CACHD1: variants seen among roughly 807,000 people sequenced by gnomAD.
CACHD1 encodes the protein cache domain containing 1.
A neutral mutation model predicts 138.7 loss-of-function variants in CACHD1; 71 were observed. The observed-to-expected ratio is 0.51, with a 90% confidence interval of 0.42 to 0.62. The LOEUF (loss-of-function observed/expected upper bound fraction) is 0.62, where lower values mean the gene tolerates loss of function less well. Among genes scored for constraint, CACHD1 ranks in the 20% least tolerant of loss-of-function variants. The pLI, the probability that CACHD1 is intolerant of heterozygous loss-of-function variation, is 0.00. For synonymous variants in CACHD1, 578 were observed against 591.5 expected, an observed-to-expected ratio of 0.98 and a Z score of 0.33; for missense variants, 1,389 against 1,625.3, an observed-to-expected ratio of 0.85 and a Z score of 2.50.
At chr1:64,499,983 CA>C (rs1384118447) in intron 1 of CACHD1, among the ~76,000 whole-genome samples, 1 of 152,168 alleles carries the variant, frequency 6.6e-6, no homozygotes, top group Non-Finnish European at 1.5e-5. Flanking sequence ...GCTGTGGTAA[CA>C]AATGAATCCT....
At chr1:64,618,379 G>C (rs778117536) in intron 4 of CACHD1, among the ~76,000 whole-genome samples, 2 of 151,994 alleles carry the variant, frequency 1.3e-5, no homozygotes, top group Non-Finnish European at 2.9e-5. Context: ...GTGGTCCCAG[G>C]TACTCCTTCT....
At chr1:64,606,925 G>A (rs1647360304) in intron 4 of CACHD1, among the ~76,000 whole-genome samples, 1 of 152,164 alleles carries the variant, frequency 6.6e-6, no homozygotes, top group Non-Finnish European at 1.5e-5. Flanking sequence ...TTGTGATGGG[G>A]AATGCTGGGA....
rs149386006 is a variant in CACHD1, at chr1:64,664,359, C to A, written c.2095-139C>A. ...TTATTTTCACCAAGTTTGGTTGCAT[C>A]CATCTGCTGTGGAAAGATTTTTAAA... On this transcript the variant is annotated intron_variant, in intron 14 of 26. Transcript: ENST00000651257. The A allele has an allele frequency of 3.2e-3, 2,324 of 729,140 alleles. 7 individuals carry two copies. The highest frequency in any genetic ancestry group is 4.1e-3 in the Non-Finnish European group (1,857 of 451,440). The allele number at this position is 729,140 out of a possible 1,614,324, so 45.2% of individuals were successfully genotyped here.
At position 64,654,911 on chromosome 1, in the gene CACHD1, C is replaced by T. The variant is rs1390366485; in HGVS notation, c.1782+108C>T. ...GGCACTTGGGTCTGATAATTTGTCT[C>T]GTAATGTGACTAATCAGTTTTTAAA... On this transcript the variant is annotated intron_variant, in intron 12 of 26. Coordinates refer to ENST00000651257, the MANE Select transcript of CACHD1 (RefSeq NM_020925.4). The T allele has an allele frequency of 1.4e-5, 10 of 732,186 alleles. 1 individual carries two copies. The highest frequency in any genetic ancestry group is 1.3e-4 in the South Asian group (8 of 60,462). The allele number at this position is 732,186 out of a possible 1,614,324, so 45.4% of individuals were successfully genotyped here.
chr1:64,661,805 G>A lies in CACHD1; in HGVS notation c.1952-1890G>A, dbSNP rs187512060. Among the ~76,000 whole-genome samples the A allele has an allele frequency of 9.8e-5, 15 of 152,294 alleles. No homozygotes were observed. In the East Asian group the frequency reaches 2.7e-3, roughly 27 times the overall value. On this transcript the variant is annotated intron_variant, in intron 13 of 26. Transcript: ENST00000651257. ...ATAATAATCTCCCAGGGTAGCCAAT[G>A]AAGATATCATCAGAATTAAATGAAA...
chr1:64,525,613 G>C (rs1274472657), intron 1 of CACHD1, among the ~76,000 whole-genome samples: 4 of 152,166 alleles, frequency 2.6e-5, no homozygotes, highest in Non-Finnish European at 5.9e-5. Context: ...CAGACATTAA[G>C]GGGACTGGGT....
At chr1:64,569,095 A>G (rs553887323) in intron 2 of CACHD1, among the ~76,000 whole-genome samples, 16 of 151,742 alleles carry the variant, frequency 1.1e-4, no homozygotes, top group Middle Eastern at 3.2e-3. Flanking sequence ...CTAATTTTTT[A>G]TTTTTAGTAG....
chr1:64,545,134 T>C (rs559455601), intron 1 of CACHD1, among the ~76,000 whole-genome samples: 50 of 152,336 alleles, frequency 3.3e-4, no homozygotes, highest in African/African-American at 1.1e-3. Context: ...ATCAATAGTT[T>C]TAAAAATATA....
intron 7 of CACHD1, among the ~76,000 whole-genome samples, 184 bp downstream of exon 7, chr1:64,634,444 T>G (rs1254915973): frequency 6.6e-6 from 1 of 151,980 alleles, no homozygotes; most frequent in Non-Finnish European, 1.5e-5. Flanking sequence ...AATGCAGTGG[T>G]GTGATCATGG....
chr1:64,569,108 A>T (rs1646906179), intron 2 of CACHD1, among the ~76,000 whole-genome samples: 1 of 151,582 alleles, frequency 6.6e-6, no homozygotes, highest in Non-Finnish European at 1.5e-5. Flanking sequence ...TTTAGTAGAG[A>T]TGGGGTCTCT....
chr1:64,653,301 C>T (rs1193913065), intron 10 of CACHD1, among the ~76,000 whole-genome samples: 3 of 143,960 alleles, frequency 2.1e-5, no homozygotes, highest in Non-Finnish European at 4.5e-5. Context: ...ACCTGGGTCA[C>T]AAAATAATCT....
chr1:64,666,606 T>A (rs1190382447), intron 16 of CACHD1, among the ~76,000 whole-genome samples: 2 of 151,988 alleles, frequency 1.3e-5, no homozygotes, highest in African/African-American at 2.4e-5. Flanking sequence ...GGTGGGTTCA[T>A]TGGCTCACAC....
At position 64,552,039 on chromosome 1, in the gene CACHD1, G is replaced by A. The variant is rs75150215; in HGVS notation, c.261+1383G>A. ...TTCAAGGAAACTTTCTGGGAGACCA[G>A]AGGCCATTTGATAACATTTTAAAGA... On this transcript the variant is annotated intron_variant, in intron 2 of 26. Coordinates refer to ENST00000651257, the MANE Select transcript of CACHD1 (RefSeq NM_020925.4). 3.3e-5 allele frequency among the ~76,000 whole-genome samples: 5 copies of A among 152,300 alleles called. No homozygotes were observed. In the East Asian group the frequency reaches 7.7e-4, roughly 24 times the overall value.
intron 1 of CACHD1, among the ~76,000 whole-genome samples, chr1:64,482,113 G>A (rs1646214636): frequency 6.6e-6 from 1 of 152,182 alleles, no homozygotes; most frequent in East Asian, 1.9e-4. Flanking sequence ...GGTAGCATAT[G>A]TCTGTGTATT....
rs538923053 is a variant in CACHD1, at chr1:64,679,724, G to A, written c.3374G>A (p.Ser1125Asn). The A allele has an allele frequency of 1.4e-4, 226 of 1,614,096 alleles. 1 individual carries two copies. In the South Asian group the frequency reaches 2.4e-3, roughly 17 times the overall value. ...TACCGCCACCAGATTCATCGCCGGAGCCATCAGCATATGTCTCCTCTTGCT... is the reference window on the plus strand; with the variant it reads ...TACCGCCACCAGATTCATCGCCGGAACCATCAGCATATGTCTCCTCTTGCT... ...YAYRHQIHRR[S>N]HQHMSPLAAQ... Residue 1125 changes from serine to asparagine, a missense_variant, in exon 24 of 27, where the codon AGC becomes AAC. Physicochemically the swap from Ser to Asn is conservative, Grantham distance 46. Coordinates refer to ENST00000651257, the MANE Select transcript of CACHD1 (RefSeq NM_020925.4).
At chr1:64,688,451 A>G (rs1327054918) in intron 26 of CACHD1, among the ~76,000 whole-genome samples, 2 of 152,108 alleles carry the variant, frequency 1.3e-5, no homozygotes, top group African/African-American at 4.8e-5. Flanking sequence ...ATCTGAACCT[A>G]GAAACCTCGA....
chr1:64,484,078 A>G (rs1646227443), intron 1 of CACHD1, among the ~76,000 whole-genome samples: 1 of 151,918 alleles, frequency 6.6e-6, no homozygotes, highest in Non-Finnish European at 1.5e-5. Context: ...ACAGGTAAGC[A>G]CTGTATTGTT....
intron 1 of CACHD1, among the ~76,000 whole-genome samples, chr1:64,542,101 T>C (rs1321705875): frequency 6.6e-6 from 1 of 152,246 alleles, no homozygotes; most frequent in Non-Finnish European, 1.5e-5. Context: ...ATATTTTTAG[T>C]GCGCTCTATA....
chr1:64,648,608 C>T (rs1415935080), intron 9 of CACHD1, among the ~76,000 whole-genome samples: 1 of 152,108 alleles, frequency 6.6e-6, no homozygotes, highest in Non-Finnish European at 1.5e-5. Flanking sequence ...GACCGGCATA[C>T]CATTCAGTTA....
Sources: gnomAD v4.1 joint callset for allele counts (sites outside exome capture counted in the v4.1 genomes callset) on GRCh38, gnomAD v4.1.1 for gene constraint, MANE v1.5 for transcripts, NCBI Gene and HGNC (gene_info 2026-07-23, HGNC 2026-07-21) for gene names.